The following PIP4P2 variants were observed in gnomAD, a reference collection of about 807,000 sequenced individuals.
PIP4P2 encodes type 2 phosphatidylinositol 4,5-bisphosphate 4-phosphatase.
Under a neutral mutation model 33.3 loss-of-function variants are expected in PIP4P2, and 19 were observed. The ratio of observed to expected loss-of-function variants is 0.57; its 90% CI spans 0.40 to 0.84. The LOEUF is 0.84. Among genes scored for constraint, PIP4P2 ranks in the 40% least tolerant of loss-of-function variants. The probability of loss-of-function intolerance (pLI) is 0.00; values close to 1 mark genes in which losing one functional copy is unlikely to be tolerated. For missense variants in PIP4P2, 270 were observed against 324.7 expected (o/e 0.83, Z 1.29); for synonymous variants, 110 against 111.9 (o/e 0.98, Z 0.11).
At chr8:91,037,028 G>A (rs1812240281) in intron 1 of PIP4P2, among the ~76,000 whole-genome samples, 1 of 152,156 alleles carries the variant, frequency 6.6e-6, no homozygotes, top group East Asian at 1.9e-4. Context: ...ACTTTCCCCA[G>A]AGTGTACTTT....
rs1812299258 is a variant in PIP4P2, at chr8:91,040,859, T to A, written c.-110A>T. 2.4e-6 allele frequency: 2 copies of A among 839,684 alleles called. No individual in the cohort carries two copies. Among genetic ancestry groups the A allele is most frequent in the Admixed American group, 2.4e-5 (1 of 41,982 alleles). 52.0% of individuals were successfully genotyped at this position (839,684 alleles called of 1,614,324 possible). On this transcript the variant is annotated 5_prime_UTR_variant, in exon 1 of 7. Coordinates refer to ENST00000285419, the MANE Select transcript of PIP4P2 (RefSeq NM_018710.3). ...CCGCTGCTGCCGCTGCAGCTGCTGC[T>A]GCTGCCGCCTCCGGGAGGGCCCGGG...
chr8:91,004,743 A>G (rs1811745493), intron 5 of PIP4P2, among the ~76,000 whole-genome samples: 2 of 152,212 alleles, frequency 1.3e-5, no homozygotes, highest in Non-Finnish European at 2.9e-5. Context: ...GTGAGCATGG[A>G]TAAAGACAGG....
At chr8:91,010,552 T>C (rs959711869) in intron 4 of PIP4P2, among the ~76,000 whole-genome samples, 67 of 151,938 alleles carry the variant, frequency 4.4e-4, no homozygotes, top group African/African-American at 1.6e-3. Context: ...ATGTATTACA[T>C]TGCCAGCAAC....
chr8:91,040,418 T>TCACCACCACCACCACCAC (rs58764824), intron 1 of PIP4P2, among the ~76,000 whole-genome samples: 1 of 131,498 alleles, frequency 7.6e-6, no homozygotes. Flanking sequence ...ACCACCACCA[T>TCACCACCACCACCACCAC]CACCACCACC....
chr8:91,020,040 G>T, intron 3 of PIP4P2, 117 bp downstream of exon 3: 2 of 921,004 alleles, frequency 2.2e-6, no homozygotes, highest in Non-Finnish European at 3.3e-6. Context: ...CTAGATTCTG[G>T]AATGACTTTG....
chr8:91,010,801 A>C (rs1811825841), intron 4 of PIP4P2, among the ~76,000 whole-genome samples: 1 of 151,714 alleles, frequency 6.6e-6, no homozygotes, highest in Non-Finnish European at 1.5e-5. Flanking sequence ...AAAAAATCTT[A>C]ATTATATCAG....
intron 5 of PIP4P2, among the ~76,000 whole-genome samples, chr8:91,007,874 G>T (rs1811783162): frequency 1.3e-5 from 2 of 152,166 alleles, no homozygotes; most frequent in African/African-American, 4.8e-5. Flanking sequence ...TGCTAGGTAG[G>T]ATGTGCCTGT....
chr8:91,036,643 T>G (rs557960547), intron 1 of PIP4P2, among the ~76,000 whole-genome samples: 5 of 152,336 alleles, frequency 3.3e-5, no homozygotes, highest in African/African-American at 1.2e-4. Context: ...CATCTATTCT[T>G]GTCTACTCTA....
chr8:90,997,747 G>T (rs1460073371), intron 5 of PIP4P2, among the ~76,000 whole-genome samples: 1 of 152,094 alleles, frequency 6.6e-6, no homozygotes, highest in African/African-American at 2.4e-5. Flanking sequence ...CCAGTGTCAA[G>T]ATTATGCCTA....
intron 1 of PIP4P2, among the ~76,000 whole-genome samples, chr8:91,040,020 C>T (rs1011322873): frequency 3.3e-5 from 5 of 152,106 alleles, no homozygotes; most frequent in Non-Finnish European, 7.4e-5. Flanking sequence ...CCTTCTCATT[C>T]ACAATTAAAT....
At chr8:91,019,395 CAAAAAAAAAAAAAA>C (rs71510466) in intron 3 of PIP4P2, among the ~76,000 whole-genome samples, 2 of 19,698 alleles carry the variant, frequency 1.0e-4, no homozygotes, top group African/African-American at 4.8e-4. Flanking sequence ...CCTGTCTCTA[CAAAAAAAAAAAAAA>C]AAAAAAAAAA....
intron 5 of PIP4P2, among the ~76,000 whole-genome samples, chr8:91,002,317 A>T (rs1811709923): frequency 6.6e-6 from 1 of 152,170 alleles, no homozygotes; most frequent in East Asian, 1.9e-4. Flanking sequence ...AGTCAAGGGC[A>T]TATACAAAAA....
intron 1 of PIP4P2, among the ~76,000 whole-genome samples, chr8:91,026,982 C>T (rs944029156): frequency 1.3e-5 from 2 of 152,146 alleles, no homozygotes; most frequent in African/African-American, 4.8e-5. Context: ...CCTCTACAGA[C>T]AGAAAATGAG....
intron 4 of PIP4P2, among the ~76,000 whole-genome samples, chr8:91,014,647 C>G (rs1196518312): frequency 6.6e-6 from 1 of 151,910 alleles, no homozygotes; most frequent in African/African-American, 2.4e-5. Context: ...GTTAGGCAGG[C>G]TGAATAATTT....
At chr8:91,015,040 T>C (rs977689551) in intron 4 of PIP4P2, among the ~76,000 whole-genome samples, 7 of 152,112 alleles carry the variant, frequency 4.6e-5, no homozygotes, top group Non-Finnish European at 8.8e-5. Context: ...AATTGGACTA[T>C]AGAGCTTGTG....
chr8:90,995,813 G>T lies in PIP4P2; in HGVS notation c.638C>A (p.Thr213Asn). ...TCGAAATCGCCTTGCAAAATCTGGG[G>T]TGCCAACCTAAAATAAAAAGCAATA... ...IFIGVGLTVG[T>N]PDFARRFRAT... Residue 213 changes from threonine to asparagine, a missense_variant, in exon 7 of 7, where the codon ACC becomes AAC. Physicochemically the swap from Thr to Asn is moderately conservative, Grantham distance 65. Transcript: ENST00000285419. 6.3e-7 allele frequency: 1 copy of T among 1,596,596 alleles called. No individual in the cohort carries two copies. Among genetic ancestry groups the T allele is most frequent in the Non-Finnish European group, 8.5e-7 (1 of 1,175,212 alleles).
At chr8:91,028,826 CTGAAG>C in intron 1 of PIP4P2, among the ~76,000 whole-genome samples, 1 of 152,242 alleles carries the variant, frequency 6.6e-6, no homozygotes. Flanking sequence ...TGCTTCATAA[CTGAAG>C]TGATGTGATA....
chr8:91,032,677 A>T (rs1036717710), intron 1 of PIP4P2, among the ~76,000 whole-genome samples: 2 of 148,760 alleles, frequency 1.3e-5, no homozygotes, highest in Admixed American at 6.8e-5. Flanking sequence ...TCTACTTGGG[A>T]GGCTGAGGAA....
chr8:91,022,998 G>A (rs559694610), intron 1 of PIP4P2, among the ~76,000 whole-genome samples: 2 of 152,070 alleles, frequency 1.3e-5, no homozygotes, highest in Non-Finnish European at 2.9e-5. Context: ...GAATTTGAGC[G>A]TGATCCAGAG....
Sources: gnomAD v4.1 joint callset for allele counts (sites outside exome capture counted in the v4.1 genomes callset) on GRCh38, gnomAD v4.1.1 for gene constraint, MANE v1.5 for transcripts, NCBI Gene and HGNC (gene_info 2026-07-23, HGNC 2026-07-21) for gene names.